Variants in RTTN observed in about 807,000 individuals in gnomAD.
RTTN encodes the protein rotatin.
A neutral mutation model predicts 269.2 loss-of-function variants in RTTN; 182 were observed. The ratio of observed to expected loss-of-function variants is 0.68; its 90% CI spans 0.60 to 0.76. RTTN has a LOEUF of 0.76. Ranked by LOEUF, RTTN falls within the 30% of genes least tolerant of loss-of-function variation. The pLI is 0.00. For missense variants in RTTN, 2,545 were observed against 2,608.6 expected, an observed-to-expected ratio of 0.98 and a Z score of 0.53; for synonymous variants, 1,006 against 963.5, an observed-to-expected ratio of 1.04 and a Z score of -0.82.
At chr18:70,024,544 A>G (rs1467595774) in intron 44 of RTTN, among the ~76,000 whole-genome samples, 178 bp downstream of exon 44, 1 of 152,190 alleles carries the variant, frequency 6.6e-6, no homozygotes, top group African/African-American at 2.4e-5. Flanking sequence ...CAACAAACAC[A>G]CTAAAATATC....
chr18:70,127,162 A>C (rs2059886350), intron 25 of RTTN, among the ~76,000 whole-genome samples: 1 of 152,230 alleles, frequency 6.6e-6, no homozygotes, highest in African/African-American at 2.4e-5. Flanking sequence ...GGTGTATCAC[A>C]GCTATTAATC....
At chr18:70,146,755 T>C (rs2145765275) in intron 17 of RTTN, among the ~76,000 whole-genome samples, 1 of 152,272 alleles carries the variant, frequency 6.6e-6, no homozygotes, top group African/African-American at 2.4e-5. Context: ...CCCATGTCTG[T>C]GTTGTGTGCT....
chr18:70,005,434 C>CT, intron 47 of RTTN, 167 bp from the exon 48 acceptor site: 2 of 447,130 alleles, frequency 4.5e-6, no homozygotes, highest in Non-Finnish European at 7.8e-6. Context: ...AGCCAATCCC[C>CT]TTGCACATTC....
intron 3 of RTTN, among the ~76,000 whole-genome samples, chr18:70,202,250 C>T (rs2061973114): frequency 6.6e-6 from 1 of 152,148 alleles, no homozygotes. Flanking sequence ...GAAGAATCTG[C>T]TACAAAGTAT....
At chr18:70,160,603 T>C (rs1336804148) in intron 14 of RTTN, among the ~76,000 whole-genome samples, 1 of 131,238 alleles carries the variant, frequency 7.6e-6, no homozygotes, top group Non-Finnish European at 1.6e-5. Context: ...ATAAAAGGCA[T>C]CCAAATAGGA....
intron 40 of RTTN, among the ~76,000 whole-genome samples, chr18:70,033,356 T>G (rs2057075322): frequency 1.3e-5 from 2 of 152,162 alleles, no homozygotes; most frequent in African/African-American, 4.8e-5. Flanking sequence ...AAGAATGGTC[T>G]AATACATATA....
At chr18:70,067,305 G>A (rs577369329) in intron 34 of RTTN, among the ~76,000 whole-genome samples, 266 of 151,858 alleles carry the variant, frequency 1.8e-3, no homozygotes, top group Middle Eastern at 3.4e-3. Context: ...GACTACAGGC[G>A]CCCGCCACCA....
chr18:70,195,351 G>T (rs1442814185), intron 7 of RTTN, among the ~76,000 whole-genome samples: 2 of 151,830 alleles, frequency 1.3e-5, no homozygotes, highest in African/African-American at 4.8e-5. Flanking sequence ...ACCCAACCAC[G>T]TTGTGTCACA....
intron 11 of RTTN, among the ~76,000 whole-genome samples, chr18:70,175,580 A>C (rs143062673): frequency 0.019 from 2,952 of 152,106 alleles, 54 homozygotes; most frequent in Non-Finnish European, 0.023. Flanking sequence ...TAAGCAATTA[A>C]GTTGCTGACA....
chr18:70,037,352 C>G (rs1039149910), intron 40 of RTTN, among the ~76,000 whole-genome samples: 3 of 152,206 alleles, frequency 2.0e-5, no homozygotes, highest in African/African-American at 7.2e-5. Context: ...CGGCTCGCAG[C>G]AACAAAAGTG....
intron 4 of RTTN, among the ~76,000 whole-genome samples, chr18:70,200,806 T>G (rs2061926250): frequency 6.6e-6 from 1 of 152,222 alleles, no homozygotes; most frequent in Non-Finnish European, 1.5e-5. Flanking sequence ...GTTTTCAACC[T>G]TTCTAATCTC....
intron 46 of RTTN, among the ~76,000 whole-genome samples, chr18:70,012,542 A>AGAGGGCAGCGTCTGCTCACTGGTATTGGT (rs2056418023): frequency 2.1e-5 from 1 of 48,356 alleles, no homozygotes; most frequent in Admixed American, 2.3e-4. Flanking sequence ...CTGGTGTTAG[A>AGAGGGCAGCGTCTGCTCACTGGTATTGGT]TAGAGGGCAG....
intron 35 of RTTN, among the ~76,000 whole-genome samples, chr18:70,064,501 T>C (rs1453912665): frequency 6.6e-6 from 1 of 152,046 alleles, no homozygotes; most frequent in African/African-American, 2.4e-5. Flanking sequence ...ATATTATTTG[T>C]CAATAAATAA....
At chr18:70,150,269 T>A in intron 15 of RTTN, 182 bp from the exon 16 acceptor site, 1 of 577,972 alleles carries the variant, frequency 1.7e-6, no homozygotes, top group South Asian at 2.2e-5. Flanking sequence ...TTAATATTTC[T>A]AATTTTTTAC....
chr18:70,166,468 TAA>T (rs1398368227), intron 13 of RTTN: 1 of 242,016 alleles, frequency 4.1e-6, no homozygotes, highest in Non-Finnish European at 7.8e-6. Context: ...CCAAAAGCAA[TAA>T]AGACACTAAG....
intron 46 of RTTN, among the ~76,000 whole-genome samples, chr18:70,010,390 T>C (rs1304343277): frequency 6.6e-6 from 1 of 152,200 alleles, no homozygotes; most frequent in Admixed American, 6.5e-5. Flanking sequence ...AAACAGTCTC[T>C]CACAGCACAA....
In RTTN at chr18:70,142,389, T is replaced by C. The variant is rs760258310; in HGVS notation, c.2482-2A>G. 2.1e-6 allele frequency: 3 copies of C among 1,440,536 alleles called. No individual in the cohort carries two copies. The highest frequency in any genetic ancestry group is 1.9e-4 in the Middle Eastern group (1 of 5,198). The allele number at this position is 1,440,536 out of a possible 1,614,324, so 89.2% of individuals were successfully genotyped here. On this transcript the variant is annotated splice_acceptor_variant, in intron 18 of 48. Transcript: ENST00000640769. LOFTEE classifies it high-confidence loss of function. ...ATATACCTTTTCAACAGTCTCCAAC[T>C]ACAAACCAAAAAAAAAAAAAAACCA...
intron 41 of RTTN, among the ~76,000 whole-genome samples, chr18:70,030,542 T>C (rs184368734): frequency 3.0e-4 from 46 of 152,332 alleles, no homozygotes; most frequent in Non-Finnish European, 5.9e-4. Context: ...GTGGGTTTTG[T>C]TCAGGTATGC....
intron 26 of RTTN, among the ~76,000 whole-genome samples, chr18:70,117,291 C>T (rs986913386): frequency 1.3e-5 from 2 of 152,048 alleles, no homozygotes; most frequent in African/African-American, 4.8e-5. Context: ...CTTCTTAAAT[C>T]ATTTCTCACT....
Sources: gnomAD v4.1 joint callset for allele counts (sites outside exome capture counted in the v4.1 genomes callset) on GRCh38, gnomAD v4.1.1 for gene constraint, MANE v1.5 for transcripts, NCBI Gene and HGNC (gene_info 2026-07-23, HGNC 2026-07-21) for gene names.